WDR45B: variants seen among roughly 807,000 people sequenced by gnomAD.
WDR45B encodes the protein WD repeat domain 45B, also known as WD repeat domain phosphoinositide-interacting protein 3.
In WDR45B, 20 loss-of-function variants were observed where a neutral mutation model predicts 44.6. The ratio of observed to expected loss-of-function variants is 0.45; its 90% CI spans 0.32 to 0.65. The LOEUF (loss-of-function observed/expected upper bound fraction) is 0.65. Among genes scored for constraint, WDR45B ranks in the 30% least tolerant of loss-of-function variants. WDR45B has a pLI of 0.05. For missense variants in WDR45B, 323 were observed against 430.2 expected, an observed-to-expected ratio of 0.75 and a Z score of 2.20; for synonymous variants, 169 against 164.9, an observed-to-expected ratio of 1.02 and a Z score of -0.19.
chr17:82,647,736 G>A (rs1338217592), intron 1 of WDR45B, among the ~76,000 whole-genome samples: 1 of 151,508 alleles, frequency 6.6e-6, no homozygotes, highest in Admixed American at 6.6e-5. Context: ...CGCCACCAGA[G>A]GCGTCGGAGA....
At position 82,648,407 on chromosome 17, in the gene WDR45B, C is replaced by T. The variant is rs1349269830; in HGVS notation, c.-67G>A. ...CTCTCGCTGGGGACGGCGGCCTGGT[C>T]CCTTCGGGCCGGCGCTGAGGCCGCC... On this transcript the variant is annotated 5_prime_UTR_variant, in exon 1 of 10. Transcript: ENST00000392325. 3.3e-5 allele frequency: 51 copies of T among 1,564,404 alleles called. No homozygotes were observed. Among genetic ancestry groups the T allele is most frequent in the Non-Finnish European group, 3.9e-5 (45 of 1,155,776 alleles).
At chr17:82,617,824 C>T (rs2045559536) in intron 7 of WDR45B, among the ~76,000 whole-genome samples, 1 of 152,232 alleles carries the variant, frequency 6.6e-6, no homozygotes, top group Admixed American at 6.5e-5. Context: ...CAGGCATTGG[C>T]CGTGTGCTGT....
Position 82,619,146 on chromosome 17 carries a change from G to C in WDR45B, c.619-18C>G, listed in dbSNP as rs2045579570. ...AGCGTCCCCTTTGAAAAACAGTGAAGTGTTTCATTATCAAAGATTCAAAAC... is the reference window on the plus strand; with the variant it reads ...AGCGTCCCCTTTGAAAAACAGTGAACTGTTTCATTATCAAAGATTCAAAAC... On this transcript the variant is annotated intron_variant, in intron 6 of 9. Transcript: ENST00000392325. 2 of 1,609,378 alleles carry C rather than the reference G, an allele frequency of 1.2e-6. No individual in the cohort carries two copies. Among genetic ancestry groups the C allele is most frequent in the East Asian group, 4.5e-5 (2 of 44,870 alleles).
chr17:82,640,166 G>A (rs757865135), intron 2 of WDR45B, among the ~76,000 whole-genome samples: 2 of 152,130 alleles, frequency 1.3e-5, no homozygotes, highest in African/African-American at 4.8e-5. Context: ...TCTGGAAACA[G>A]CAGCCTGCTC....
intron 6 of WDR45B, among the ~76,000 whole-genome samples, chr17:82,619,932 C>T (rs567777065): frequency 1.7e-4 from 26 of 152,222 alleles, no homozygotes; most frequent in South Asian, 2.1e-4. Context: ...CGGAGGGCAC[C>T]GCTGCGGCTA....
At chr17:82,636,061 T>C (rs2045828492) in intron 2 of WDR45B, among the ~76,000 whole-genome samples, 1 of 151,816 alleles carries the variant, frequency 6.6e-6, no homozygotes, top group South Asian at 2.1e-4. Context: ...CACTCTAGCC[T>C]GGGCAACAAG....
intron 6 of WDR45B, among the ~76,000 whole-genome samples, chr17:82,619,572 A>T (rs2045586594): frequency 6.6e-6 from 1 of 151,822 alleles, no homozygotes; most frequent in Non-Finnish European, 1.5e-5. Context: ...AAAAAAAAAA[A>T]AATAAAAGGA....
In WDR45B at chr17:82,647,432, C is replaced by T. The variant is rs190414718; in HGVS notation, c.67+842G>A. 4.6e-5 allele frequency among the ~76,000 whole-genome samples: 7 copies of T among 152,326 alleles called. No individual in the cohort carries two copies. In the East Asian group the frequency reaches 1.4e-3, roughly 29 times the overall value. ...AGGTGAGGAGGCAACCATCCGAATC[C>T]AGGTCCCGCCCGCCTCCCGCGGGAA... On this transcript the variant is annotated intron_variant, in intron 1 of 9. Transcript: ENST00000392325.
chr17:82,624,734 T>G (rs2045671478), intron 5 of WDR45B, among the ~76,000 whole-genome samples: 1 of 151,804 alleles, frequency 6.6e-6, no homozygotes, highest in Admixed American at 6.6e-5. Context: ...TTCTCCTGCC[T>G]CAGCCTCCCA....
Position 82,643,530 on chromosome 17 carries a change from G to A in WDR45B, c.142+419C>T, listed in dbSNP as rs12952624. 4.2e-3 allele frequency among the ~76,000 whole-genome samples: 645 copies of A among 152,064 alleles called. 1 individual carries two copies. The highest frequency in any genetic ancestry group is 6.8e-3 in the Middle Eastern group (2 of 292). On this transcript the variant is annotated intron_variant, in intron 2 of 9. Transcript: ENST00000392325. ...TAAAGGGCAGAACCAGGACTCAAAC[G>A]TACACAGCATGGATGCAGGCTGAGG...
chr17:82,627,036 T>A, intron 4 of WDR45B, 168 bp downstream of exon 4: 1 of 706,718 alleles, frequency 1.4e-6, no homozygotes, highest in Non-Finnish European at 2.5e-6. Flanking sequence ...TCGCTGCCTT[T>A]CTTGCAGCAA....
At position 82,639,316 on chromosome 17, in the gene WDR45B, G is replaced by A. The variant is rs550144806; in HGVS notation, c.142+4633C>T. ...CACAGTAATCACCCCTTTCATGAAA[G>A]TCATTCGGGTTCTCCAATTTTCCAC... On this transcript the variant is annotated intron_variant, in intron 2 of 9. Coordinates refer to ENST00000392325, the MANE Select transcript of WDR45B (RefSeq NM_019613.4). 5.3e-5 allele frequency among the ~76,000 whole-genome samples: 8 copies of A among 152,080 alleles called. No individual in the cohort carries two copies. The South Asian group carries it at 1.7e-3, about 31-fold the overall frequency.
At chr17:82,638,305 A>G (rs191756749) in intron 2 of WDR45B, among the ~76,000 whole-genome samples, 5 of 123,242 alleles carry the variant, frequency 4.1e-5, no homozygotes, top group South Asian at 3.3e-4. Context: ...AAAAGAAAAG[A>G]AAGGAAGGAA....
At position 82,615,897 on chromosome 17, in the gene WDR45B, G is replaced by A; in HGVS notation, c.*22C>T. Reference sequence around the variant, plus strand: ...AGTCTGAAGGCGGCAGGTGGTGGGTGCTGTGGCGCCCCCAGCTGGAGTCAC... The same window carrying A: ...AGTCTGAAGGCGGCAGGTGGTGGGTACTGTGGCGCCCCCAGCTGGAGTCAC... On this transcript the variant is annotated 3_prime_UTR_variant, in exon 10 of 10. Transcript: ENST00000392325. The A allele has an allele frequency of 6.2e-7, 1 of 1,608,384 alleles. No homozygotes were observed. Among genetic ancestry groups the A allele is most frequent in the Non-Finnish European group, 8.5e-7 (1 of 1,175,540 alleles).
chr17:82,646,667 G>A (rs1355525178), intron 1 of WDR45B, among the ~76,000 whole-genome samples: 1 of 152,104 alleles, frequency 6.6e-6, no homozygotes, highest in African/African-American at 2.4e-5. Context: ...TTAGTGACAG[G>A]TGTGTAGTTT....
chr17:82,643,289 C>T (rs1598280641), intron 2 of WDR45B, among the ~76,000 whole-genome samples: 2 of 151,976 alleles, frequency 1.3e-5, no homozygotes, highest in East Asian at 1.9e-4. Flanking sequence ...AAAAATTAGC[C>T]GGTTGTGGTG....
chr17:82,618,752 AAAC>A (rs961840577), intron 7 of WDR45B, among the ~76,000 whole-genome samples: 6 of 152,144 alleles, frequency 3.9e-5, no homozygotes, highest in Non-Finnish European at 7.4e-5. Context: ...AACCCCAAAA[AAAC>A]AACAAAAAAA....
rs571002363 is a variant in WDR45B at position 82,648,395 on chromosome 17, C to T, written c.-55G>A. 1,375 of 1,583,258 alleles carry T rather than the reference C, an allele frequency of 8.7e-4. 1 individual carries two copies. The highest frequency in any genetic ancestry group is 1.1e-3 in the Non-Finnish European group (1,281 of 1,166,520). On this transcript the variant is annotated 5_prime_UTR_variant, in exon 1 of 10. Coordinates refer to ENST00000392325, the MANE Select transcript of WDR45B (RefSeq NM_019613.4). ...AGCGCTGCATGCCTCTCGCTGGGGA[C>T]GGCGGCCTGGTCCCTTCGGGCCGGC...
At chr17:82,640,357 T>A (rs574927675) in intron 2 of WDR45B, among the ~76,000 whole-genome samples, 2 of 151,504 alleles carry the variant, frequency 1.3e-5, no homozygotes, top group Non-Finnish European at 3.0e-5. Flanking sequence ...TTTTTTCTTT[T>A]TTTTTTTTTT....
Sources: allele counts gnomAD v4.1 joint callset (sites outside exome capture counted in the v4.1 genomes callset), GRCh38; gene constraint gnomAD v4.1.1; transcripts MANE v1.5; gene names NCBI Gene and HGNC (gene_info 2026-07-23, HGNC 2026-07-21).